Variants in SCN9A observed in about 807,000 individuals in gnomAD.
SCN9A encodes sodium voltage-gated channel alpha subunit 9, also known as sodium channel protein type 9 subunit alpha.
A neutral mutation model predicts 187.0 loss-of-function variants in SCN9A; 131 were observed. The ratio of observed to expected loss-of-function variants is 0.70; its 90% CI spans 0.61 to 0.81. SCN9A has a LOEUF of 0.81. Among genes scored for constraint, SCN9A ranks in the 30% least tolerant of loss-of-function variants. The pLI, the probability that SCN9A is intolerant of heterozygous loss-of-function variation, is 0.00. For synonymous variants in SCN9A, 809 were observed against 808.6 expected (o/e 1.00, Z -0.01); for missense variants, 2,252 against 2,396.6 (o/e 0.94, Z 1.26).
chr2:166,271,406 A>C (rs779629796), intron 17 of SCN9A, among the ~76,000 whole-genome samples: 67 of 152,050 alleles, frequency 4.4e-4, no homozygotes, highest in South Asian at 8.3e-4. Flanking sequence ...TTTTGACTGG[A>C]GAAGGAAATC....
intron 1 of SCN9A, among the ~76,000 whole-genome samples, chr2:166,345,390 A>G (rs939031117): frequency 6.6e-6 from 1 of 152,154 alleles, no homozygotes; most frequent in Non-Finnish European, 1.5e-5. Flanking sequence ...TATTATCCTC[A>G]TTTTAATTCA....
rs1024955426 is a variant in SCN9A at position 166,302,194 on chromosome 2, C to T, written c.901+896G>A. On this transcript the variant is annotated intron_variant, in intron 7 of 26. Transcript: ENST00000642356. ...AATTATCTATTAAGATTTATGTATTCACGTGGGCACCATCAGATAGATACA... is the reference window on the plus strand; with the variant it reads ...AATTATCTATTAAGATTTATGTATTTACGTGGGCACCATCAGATAGATACA... 79 of 144,482 alleles carry T rather than the reference C, an allele frequency of 5.5e-4. 4 individuals carry two copies. The highest frequency in any genetic ancestry group is 2.2e-3 in the African/African-American group (74 of 34,262). The allele number at this position is 144,482 out of a possible 1,614,324, so 9.0% of individuals were successfully genotyped here.
At chr2:166,281,581 G>A (rs189084376) in intron 13 of SCN9A, 98 bp downstream of exon 13, 1 of 1,126,098 alleles carries the variant, frequency 8.9e-7, no homozygotes, top group East Asian at 2.4e-5. Context: ...TATGGTCTCT[G>A]AATTCTTCCT....
intron 9 of SCN9A, among the ~76,000 whole-genome samples, chr2:166,290,045 T>C (rs1697970818): frequency 6.6e-6 from 1 of 152,154 alleles, no homozygotes; most frequent in Non-Finnish European, 1.5e-5. Flanking sequence ...TAGGTAGTTG[T>C]CCTAACGTTC....
intron 1 of SCN9A, among the ~76,000 whole-genome samples, chr2:166,320,210 A>C (rs1437728747): frequency 2.0e-5 from 3 of 152,142 alleles, no homozygotes; most frequent in Non-Finnish European, 4.4e-5. Context: ...GATAAAGCAA[A>C]AATTGTTTGA....
chr2:166,322,283 A>G (rs1699264350), intron 1 of SCN9A, among the ~76,000 whole-genome samples: 1 of 152,180 alleles, frequency 6.6e-6, no homozygotes, highest in South Asian at 2.1e-4. Flanking sequence ...AATGAATAAA[A>G]TCCTTCAGCA....
chr2:166,243,740 GC>G (rs1013403411), intron 18 of SCN9A, among the ~76,000 whole-genome samples: 1 of 151,968 alleles, frequency 6.6e-6, no homozygotes, highest in Non-Finnish European at 1.5e-5. Flanking sequence ...AAGGAGTTTG[GC>G]TTATATCCTA....
chr2:166,340,490 T>C (rs900756760), intron 1 of SCN9A, among the ~76,000 whole-genome samples: 3 of 142,152 alleles, frequency 2.1e-5, no homozygotes, highest in African/African-American at 7.5e-5. Flanking sequence ...TCTTTCTTTT[T>C]TTCTTTCTTT....
At chr2:166,270,594 T>A (rs917026140) in intron 17 of SCN9A, among the ~76,000 whole-genome samples, 6 of 151,892 alleles carry the variant, frequency 4.0e-5, no homozygotes, top group Non-Finnish European at 8.8e-5. Context: ...TTGTTTTAAT[T>A]TAATTTAATC....
intron 1 of SCN9A, among the ~76,000 whole-genome samples, chr2:166,314,775 A>AT (rs1264402033): frequency 2.0e-5 from 3 of 152,132 alleles, no homozygotes; most frequent in African/African-American, 4.8e-5. Context: ...AATGTAGAGT[A>AT]TTTTTTGTCA....
rs906889858 is a variant in SCN9A at position 166,311,767 on chromosome 2, T to G, written c.-11A>C. 14 of 1,575,212 alleles carry G rather than the reference T, an allele frequency of 8.9e-6. No individual in the cohort carries two copies. The highest frequency in any genetic ancestry group is 5.2e-5 in the Admixed American group (3 of 57,610). ...AGGCAACATTGCCATCTTTTCATCC[T>G]GTATATTTTAATTCCTCTTCAGCTC... On this transcript the variant is annotated 5_prime_UTR_variant, in exon 2 of 27. Transcript: ENST00000642356.
At chr2:166,263,121 G>A (rs1190830366) in intron 17 of SCN9A, among the ~76,000 whole-genome samples, 3 of 151,914 alleles carry the variant, frequency 2.0e-5, no homozygotes, top group Non-Finnish European at 4.4e-5. Flanking sequence ...TGAATGGTGT[G>A]GAGAAGAAAG....
At chr2:166,255,443 T>C (rs2106432591) in intron 17 of SCN9A, among the ~76,000 whole-genome samples, 1 of 149,864 alleles carries the variant, frequency 6.7e-6, no homozygotes, top group Admixed American at 6.7e-5. Context: ...ACATTAACGA[T>C]GTAAGCCTAT....
intron 12 of SCN9A, among the ~76,000 whole-genome samples, chr2:166,282,415 G>C (rs1222920469): frequency 6.6e-6 from 1 of 152,146 alleles, no homozygotes; most frequent in African/African-American, 2.4e-5. Context: ...TGAAAGAGGT[G>C]ACCTCTCTTC....
At position 166,311,517 on chromosome 2, in the gene SCN9A, G is replaced by A. The variant is rs202165845; in HGVS notation, c.240C>T (p.Pro80=). The A allele has an allele frequency of 5.7e-5, 92 of 1,607,156 alleles. 2 individuals are homozygous for A. The South Asian group carries it at 9.5e-4, about 17-fold the overall frequency. Residue 80 remains proline, a synonymous_variant, in exon 2 of 27, where the codon CCC becomes CCT. Transcript: ENST00000642356. ...MVSEPLEDLD[P]YYADKKTFIV... ...AACTCACCTTTTTGTCTGCATAGTAGGGGTCCAAGTCCTCCAGGGGCTCTG... is the reference window on the plus strand; with the variant it reads ...AACTCACCTTTTTGTCTGCATAGTAAGGGTCCAAGTCCTCCAGGGGCTCTG...
At chr2:166,281,377 A>G (rs570250417) in intron 13 of SCN9A, among the ~76,000 whole-genome samples, 1 of 152,190 alleles carries the variant, frequency 6.6e-6, no homozygotes, top group Non-Finnish European at 1.5e-5. Context: ...ATTACTATTA[A>G]ATCACTTATC....
chr2:166,316,534 A>G (rs902301068), intron 1 of SCN9A, among the ~76,000 whole-genome samples: 19 of 152,188 alleles, frequency 1.2e-4, no homozygotes, highest in Admixed American at 5.2e-4. Context: ...CTCTACTAAA[A>G]GTACAAAAAA....
rs776109731 is a variant in SCN9A at position 166,286,484 on chromosome 2, T to C, written c.1454A>G (p.Gln485Arg). Residue 485 changes from glutamine (Q) to arginine (R), a missense_variant, in exon 11 of 27, where the codon CAA becomes CGA. Transcript: ENST00000642356. ...TTCCTCTCCACTGGAGAGCTTCTTTTGATTCTTTTTCTTTCTTCTGTTTCT... is the reference window on the plus strand; with the variant it reads ...TTCCTCTCCACTGGAGAGCTTCTTTCGATTCTTTTTCTTTCTTCTGTTTCT... ...ERRNRRKKKN[Q>R]KKLSSGEEKG... 1.5e-5 allele frequency: 24 copies of C among 1,613,856 alleles called. 1 individual carries two copies. In the Middle Eastern group the frequency reaches 8.2e-4, roughly 55 times the overall value.
At chr2:166,363,845 G>A (rs897196225) in intron 1 of SCN9A, among the ~76,000 whole-genome samples, 4 of 151,882 alleles carry the variant, frequency 2.6e-5, no homozygotes, top group African/African-American at 9.7e-5. Context: ...GAGCTGAATT[G>A]GATTTTGTCA....
Sources: gnomAD v4.1 joint callset for allele counts (sites outside exome capture counted in the v4.1 genomes callset) on GRCh38, gnomAD v4.1.1 for gene constraint, MANE v1.5 for transcripts, NCBI Gene and HGNC (gene_info 2026-07-23, HGNC 2026-07-21) for gene names.